SPOCK3: variants seen among roughly 807,000 people sequenced by gnomAD.
The protein encoded by SPOCK3 is testican-3.
A neutral mutation model predicts 56.6 loss-of-function variants in SPOCK3; 30 were observed. The observed-to-expected ratio is 0.53, with a 90% CI of 0.40 to 0.72. The LOEUF (loss-of-function observed/expected upper bound fraction) is 0.72, where lower values mean the gene tolerates loss of function less well. Ranked by LOEUF, SPOCK3 falls within the 30% of genes least tolerant of loss-of-function variation. The pLI is 0.00. For missense variants in SPOCK3, 527 were observed against 530.0 expected (o/e 0.99, Z 0.06); for synonymous variants, 196 against 183.3 (o/e 1.07, Z -0.56).
At chr4:166,794,210 CAAAAA>C (rs10710162) in intron 6 of SPOCK3, among the ~76,000 whole-genome samples, 3 of 73,622 alleles carry the variant, frequency 4.1e-5, no homozygotes, top group Non-Finnish European at 5.0e-5. Context: ...GGTGATAAGG[CAAAAA>C]AAAAAAAAAA....
intron 2 of SPOCK3, among the ~76,000 whole-genome samples, chr4:167,188,829 A>G (rs1488607913): frequency 6.8e-6 from 1 of 146,324 alleles, no homozygotes; most frequent in Non-Finnish European, 1.5e-5. Context: ...CTATTTGCCA[A>G]TAAATGCAAC....
intron 4 of SPOCK3, among the ~76,000 whole-genome samples, chr4:166,965,106 A>G (rs1744572696): frequency 6.6e-6 from 1 of 151,960 alleles, no homozygotes; most frequent in Non-Finnish European, 1.5e-5. Context: ...AACTTAGTAA[A>G]AATAGAAAGG....
At chr4:167,015,672 G>A (rs1431257762) in intron 3 of SPOCK3, among the ~76,000 whole-genome samples, 2 of 152,098 alleles carry the variant, frequency 1.3e-5, no homozygotes, top group Non-Finnish European at 2.9e-5. Context: ...GGAAAGTAAT[G>A]ATCTGACTGT....
intron 2 of SPOCK3, among the ~76,000 whole-genome samples, chr4:167,189,361 TTAA>T (rs1732277252): frequency 6.9e-6 from 1 of 145,820 alleles, no homozygotes; most frequent in Non-Finnish European, 1.5e-5. Flanking sequence ...ACAAATGCAA[TTAA>T]TAATATACTT....
chr4:166,912,831 C>A, intron 4 of SPOCK3, 88 bp from the exon 5 acceptor site: 2 of 1,108,290 alleles, frequency 1.8e-6, no homozygotes, highest in Admixed American at 6.7e-5. Context: ...AACTGCCATT[C>A]CAACTCCTGA....
At chr4:166,812,108 G>A (rs1445310534) in intron 6 of SPOCK3, among the ~76,000 whole-genome samples, 3 of 151,720 alleles carry the variant, frequency 2.0e-5, no homozygotes, top group Non-Finnish European at 3.0e-5. Flanking sequence ...GTATTTTCCT[G>A]TATTAATCAT....
intron 2 of SPOCK3, among the ~76,000 whole-genome samples, chr4:167,093,324 G>A (rs1360227256): frequency 6.6e-6 from 1 of 152,046 alleles, no homozygotes; most frequent in Non-Finnish European, 1.5e-5. Flanking sequence ...TTTAAGTTCA[G>A]GATACATGTG....
chr4:167,205,326 A>G (rs1315132045), intron 2 of SPOCK3, among the ~76,000 whole-genome samples: 2 of 39,268 alleles, frequency 5.1e-5, no homozygotes, highest in African/African-American at 2.0e-4. Flanking sequence ...TTATATATAT[A>G]ATATATATTA....
intron 5 of SPOCK3, among the ~76,000 whole-genome samples, chr4:166,891,113 C>T (rs1457292881): frequency 6.6e-6 from 1 of 152,006 alleles, no homozygotes; most frequent in Admixed American, 6.6e-5. Context: ...GGTAAATCTT[C>T]CTCCATCCAT....
At chr4:166,823,246 A>G (rs1443108622) in intron 6 of SPOCK3, among the ~76,000 whole-genome samples, 1 of 152,054 alleles carries the variant, frequency 6.6e-6, no homozygotes, top group Non-Finnish European at 1.5e-5. Flanking sequence ...GACAACTGAA[A>G]ACAGCTTTCC....
intron 6 of SPOCK3, among the ~76,000 whole-genome samples, chr4:166,855,449 T>C (rs1184806052): frequency 6.6e-6 from 1 of 152,222 alleles, no homozygotes; most frequent in East Asian, 1.9e-4. Flanking sequence ...CAGCTCCTGA[T>C]TGCTCTGAAA....
chr4:166,987,958 C>A (rs1282517272), intron 4 of SPOCK3, among the ~76,000 whole-genome samples: 1 of 152,132 alleles, frequency 6.6e-6, no homozygotes, highest in East Asian at 1.9e-4. Flanking sequence ...GAATAATTTT[C>A]TCCTCCTATG....
At chr4:166,857,236 G>T (rs557959206) in intron 6 of SPOCK3, among the ~76,000 whole-genome samples, 1 of 152,102 alleles carries the variant, frequency 6.6e-6, no homozygotes, top group African/African-American at 2.4e-5. Flanking sequence ...TTCACTCAAC[G>T]GTCAACAAGA....
chr4:167,117,572 T>G (rs1761534474), intron 2 of SPOCK3, among the ~76,000 whole-genome samples: 1 of 151,942 alleles, frequency 6.6e-6, no homozygotes, highest in Non-Finnish European at 1.5e-5. Flanking sequence ...AAAGCCAGGG[T>G]CGATGCCGGA....
chr4:167,143,214 C>A (rs1763674514), intron 2 of SPOCK3, among the ~76,000 whole-genome samples: 1 of 151,540 alleles, frequency 6.6e-6, no homozygotes, highest in African/African-American at 2.4e-5. Context: ...TCCAATAGAC[C>A]ACACATCCCT....
intron 4 of SPOCK3, among the ~76,000 whole-genome samples, chr4:166,997,889 A>G (rs1183801900): frequency 6.6e-6 from 1 of 152,148 alleles, no homozygotes; most frequent in Admixed American, 6.6e-5. Flanking sequence ...TAAACAGAAA[A>G]AAGGTAGCAA....
At chr4:167,153,779 G>A (rs531053534) in intron 2 of SPOCK3, among the ~76,000 whole-genome samples, 1 of 152,272 alleles carries the variant, frequency 6.6e-6, no homozygotes, top group African/African-American at 2.4e-5. Context: ...AAAACACAAG[G>A]AGTTTTTAAG....
chr4:166,942,494 TA>T (rs1231286225), intron 4 of SPOCK3, among the ~76,000 whole-genome samples: 7 of 145,998 alleles, frequency 4.8e-5, no homozygotes, highest in Admixed American at 6.9e-5. Context: ...AAACAAAAGT[TA>T]AAAAAAAAAC....
intron 6 of SPOCK3, among the ~76,000 whole-genome samples, chr4:166,841,656 G>A (rs1747353151): frequency 1.6e-5 from 2 of 122,648 alleles, no homozygotes; most frequent in Admixed American, 7.7e-5. Context: ...GTCCATAAAT[G>A]CCCTTTTGCA....
Sources: gnomAD v4.1 joint callset for allele counts (sites outside exome capture counted in the v4.1 genomes callset) on GRCh38, gnomAD v4.1.1 for gene constraint, MANE v1.5 for transcripts, NCBI Gene and HGNC (gene_info 2026-07-23, HGNC 2026-07-21) for gene names.